MYO9B: variants seen among roughly 807,000 people sequenced by gnomAD.
MYO9B encodes the protein myosin IXB, also known as unconventional myosin-IXb.
MYO9B carries 71 observed loss-of-function variants against 229.5 expected under a neutral mutation model. The observed-to-expected ratio is 0.31, with a 90% CI of 0.26 to 0.38. The LOEUF is 0.38. Among genes scored for constraint, MYO9B ranks in the 10% least tolerant of loss-of-function variants. MYO9B has a pLI of 1.00. For missense variants in MYO9B, 2,255 were observed against 2,920.5 expected (o/e 0.77, Z 5.25); for synonymous variants, 1,185 against 1,235.8 (o/e 0.96, Z 0.86).
At chr19:17,127,505 T>C (rs1168677684) in intron 2 of MYO9B, among the ~76,000 whole-genome samples, 1 of 148,702 alleles carries the variant, frequency 6.7e-6, no homozygotes, top group African/African-American at 2.5e-5. Context: ...TTCTTTTGTA[T>C]TTTGGTAGAG....
At chr19:17,117,309 G>A (rs2057914445) in intron 2 of MYO9B, among the ~76,000 whole-genome samples, 1 of 152,170 alleles carries the variant, frequency 6.6e-6, no homozygotes, top group East Asian at 1.9e-4. Flanking sequence ...GGGCAGCTCA[G>A]TCCCCAATGT....
Position 17,152,725 on chromosome 19 carries a change from A to G in MYO9B, c.998+19A>G, listed in dbSNP as rs1329303671. On this transcript the variant is annotated intron_variant, in intron 4 of 39. Coordinates refer to ENST00000682292, the MANE Select transcript of MYO9B (RefSeq NM_004145.4). ...ATGAGAGGTAGGAGAATGTTTTCCC[A>G]GGAATCTCTGAATGCCACGCCATGT... 6.2e-7 allele frequency: 1 copy of G among 1,602,852 alleles called. No individual in the cohort carries two copies. Among genetic ancestry groups the G allele is most frequent in the Non-Finnish European group, 8.5e-7 (1 of 1,171,886 alleles).
At chr19:17,184,764 C>T (rs923020616) in intron 16 of MYO9B, 101 bp from the exon 17 acceptor site, 48 of 1,502,722 alleles carry the variant, frequency 3.2e-5, no homozygotes, top group Non-Finnish European at 4.2e-5. Flanking sequence ...GCACTCGCTG[C>T]GGGGACGCTG....
intron 38 of MYO9B, among the ~76,000 whole-genome samples, chr19:17,211,382 C>G (rs1468795584): frequency 6.6e-6 from 1 of 152,168 alleles, no homozygotes; most frequent in Non-Finnish European, 1.5e-5. Context: ...CGGGGTCCTC[C>G]CACCTCAGCC....
intron 2 of MYO9B, among the ~76,000 whole-genome samples, chr19:17,121,223 G>A (rs117695356): frequency 0.026 from 4,026 of 152,196 alleles, 70 homozygotes; most frequent in Non-Finnish European, 0.041. Context: ...GATTCCAGAC[G>A]TCAGCCACGG....
intron 4 of MYO9B, 25 bp from the exon 5 acceptor site, chr19:17,153,942 T>C (rs755347064): frequency 1.3e-6 from 2 of 1,595,048 alleles, no homozygotes; most frequent in African/African-American, 1.3e-5. Flanking sequence ...AAAACAACTA[T>C]TTTCCTCCCA....
chr19:17,154,183 G>A, intron 5 of MYO9B, 117 bp downstream of exon 5: 2 of 1,325,366 alleles, frequency 1.5e-6, no homozygotes, highest in Admixed American at 1.8e-5. Flanking sequence ...GCTCCCAGAA[G>A]GCAGCATTAA....
Position 17,212,225 on chromosome 19 carries a change from A to G in MYO9B, c.6389A>G (p.Asp2130Gly), listed in dbSNP as rs1175246916. Reference protein sequence around the residue: ...VQGALEPLEEDGQPPGAKRRY... With the variant: ...VQGALEPLEEGGQPPGAKRRY... ...GGCGCCCTGGAGCCCCTAGAAGAGG[A>G]TGGCCAGCCACCTGGGGCCAAGCGG... The change falls in exon 40 of 40, where the codon GAT (aspartate) becomes GGT (glycine). Residue 2130 changes from aspartate to glycine, a missense_variant. Asp to Gly is a moderately conservative substitution (Grantham distance 94). This residue lies in a region of MYO9B where 331 missense variants were observed against 332.5 expected (regional missense o/e 1.00). Transcript: ENST00000682292. This position sits in a 1 kb window ranked among gnomAD's most constrained non-coding sequence, Gnocchi z 5.4. 3 of 1,582,276 alleles carry G rather than the reference A, an allele frequency of 1.9e-6. No homozygotes were observed. Among genetic ancestry groups the G allele is most frequent in the Non-Finnish European group, 2.6e-6 (3 of 1,166,236 alleles).
intron 1 of MYO9B, among the ~76,000 whole-genome samples, chr19:17,098,075 G>T (rs969548178): frequency 5.2e-4 from 70 of 133,562 alleles, no homozygotes; most frequent in Non-Finnish European, 8.5e-4. Flanking sequence ...TTTTCTTCAC[G>T]ATGGAGTCTC....
intron 1 of MYO9B, among the ~76,000 whole-genome samples, chr19:17,094,015 T>TTTGTTGTTGTTGTTG (rs141113380): frequency 4.6e-4 from 68 of 148,636 alleles, no homozygotes; most frequent in African/African-American, 1.1e-3. Flanking sequence ...TGCAGCTGGC[T>TTTGTTGTTGTTGTTG]TTGTTGTTGT....
intron 2 of MYO9B, among the ~76,000 whole-genome samples, chr19:17,135,293 G>A (rs2072255042): frequency 6.6e-6 from 1 of 152,118 alleles, no homozygotes; most frequent in Non-Finnish European, 1.5e-5. Context: ...TCTGTTAAAG[G>A]AGAGGCGTTT....
chr19:17,200,969 T>A, intron 26 of MYO9B, 140 bp downstream of exon 26: 1 of 1,017,482 alleles, frequency 9.8e-7, no homozygotes, highest in Non-Finnish European at 1.4e-6. Context: ...CCGGGGACAG[T>A]GGTTCATGTT....
chr19:17,174,406 C>T lies in MYO9B; in HGVS notation c.2141-1257C>T, dbSNP rs113142715. On this transcript the variant is annotated intron_variant, in intron 13 of 39. Coordinates refer to ENST00000682292, the MANE Select transcript of MYO9B (RefSeq NM_004145.4). ...AAATCCCAGCACTTTGGGAGGCTGA[C>T]GCAGACGATCGCTTGAGGTCGGGTT... 9.5e-3 allele frequency among the ~76,000 whole-genome samples: 1,445 copies of T among 151,760 alleles called. 25 individuals carry two copies. Among genetic ancestry groups the T allele is most frequent in the African/African-American group, 0.032 (1,340 of 41,442 alleles).
intron 1 of MYO9B, among the ~76,000 whole-genome samples, chr19:17,094,806 G>A (rs1471344077): frequency 1.3e-5 from 2 of 152,038 alleles, no homozygotes; most frequent in Admixed American, 1.3e-4. Flanking sequence ...GGCAGGCGTG[G>A]TGGCATGTGC....
chr19:17,152,726 G>C lies in MYO9B; in HGVS notation c.998+20G>C, dbSNP rs565331553. 3 of 1,601,574 alleles carry C rather than the reference G, an allele frequency of 1.9e-6. No individual in the cohort carries two copies. Among genetic ancestry groups the C allele is most frequent in the Non-Finnish European group, 2.6e-6 (3 of 1,170,840 alleles). ...TGAGAGGTAGGAGAATGTTTTCCCA[G>C]GAATCTCTGAATGCCACGCCATGTC... On this transcript the variant is annotated intron_variant, in intron 4 of 39. Transcript: ENST00000682292.
chr19:17,146,127 A>G (rs1361853455), intron 3 of MYO9B, among the ~76,000 whole-genome samples: 1 of 150,134 alleles, frequency 6.7e-6, no homozygotes, highest in Non-Finnish European at 1.5e-5. Flanking sequence ...TCATGAGTGG[A>G]TGGATGAATA....
rs567649457 is a variant in MYO9B at position 17,138,065 on chromosome 19, T to C, written c.841-7332T>C. ...ATCCCTCTCCTAGCCCCCTACCCCC[T>C]ACAGGCCCTGGTGTGTGATGTTCCC... On this transcript the variant is annotated intron_variant, in intron 2 of 39. Coordinates refer to ENST00000682292, the MANE Select transcript of MYO9B (RefSeq NM_004145.4). 6.1e-3 allele frequency among the ~76,000 whole-genome samples: 935 copies of C among 152,162 alleles called. 8 individuals carry two copies. The highest frequency in any genetic ancestry group is 0.021 in the African/African-American group (885 of 41,526).
chr19:17,206,408 G>A, intron 33 of MYO9B, 32 bp downstream of exon 33: 3 of 1,602,662 alleles, frequency 1.9e-6, no homozygotes, highest in Non-Finnish European at 2.5e-6. Context: ...GTGGCAGCAG[G>A]TGGCCACAGC....
intron 2 of MYO9B, chr19:17,103,271 A>G (rs893972260): frequency 6.6e-6 from 1 of 152,188 alleles, no homozygotes; most frequent in Non-Finnish European, 1.5e-5. Flanking sequence ...TGCGAAGCCA[A>G]CTGGTCAGGA....
Sources: gnomAD v4.1 joint callset for allele counts (sites outside exome capture counted in the v4.1 genomes callset) on GRCh38, gnomAD v4.1.1 for gene constraint, gnomAD v4.1.1 regional missense constraint, Gnocchi (gnomAD v3.1) non-coding constraint, MANE v1.5 for transcripts, NCBI Gene and HGNC (gene_info 2026-07-23, HGNC 2026-07-21) for gene names.